The following COL4A2 variants were observed in gnomAD, a reference collection of about 807,000 sequenced individuals.
COL4A2 encodes the protein collagen alpha-2(IV) chain.
Under a neutral mutation model 200.2 loss-of-function variants are expected in COL4A2, and 99 were observed. That is an observed-to-expected ratio of 0.49 (90% CI 0.42 to 0.58). The LOEUF (loss-of-function observed/expected upper bound fraction) is 0.58. Ranked by LOEUF, COL4A2 falls within the 20% of genes least tolerant of loss-of-function variation. The pLI is 0.00. For synonymous variants in COL4A2, 897 were observed against 900.6 expected, an observed-to-expected ratio of 1.00 and a Z score of 0.07; for missense variants, 1,950 against 2,314.1, an observed-to-expected ratio of 0.84 and a Z score of 3.23.
intron 11 of COL4A2, among the ~76,000 whole-genome samples, chr13:110,434,023 C>A (rs1190612718): frequency 6.6e-6 from 1 of 152,056 alleles, no homozygotes; most frequent in Non-Finnish European, 1.5e-5. Flanking sequence ...AAGACTGAGC[C>A]AGAAGAAAAG....
In COL4A2 at chr13:110,482,038, A is replaced by G. The variant is rs72657980; in HGVS notation, c.2759-478A>G. Among the ~76,000 whole-genome samples the G allele has an allele frequency of 9.6e-3, 1,092 of 113,646 alleles. 111 individuals are homozygous for G. Among genetic ancestry groups the G allele is most frequent in the South Asian group, 0.023 (104 of 4,540 alleles). 74.6% of individuals were successfully genotyped at this position (113,646 alleles called of 152,430 possible). A position where few individuals can be genotyped will look rare whatever the true frequency, so the allele number is the denominator to read the frequency against. On this transcript the variant is annotated intron_variant, in intron 31 of 47. Transcript: ENST00000360467. The stretch of plus-strand genomic sequence containing the variant: ...TGGAGACACATGGGTTGGTCTTTCC[A>G]TTACTAGAGACATATGAGTCTGTCT...
chr13:110,505,883 G>A (rs181649837), intron 45 of COL4A2, among the ~76,000 whole-genome samples: 3 of 152,282 alleles, frequency 2.0e-5, no homozygotes, highest in Admixed American at 6.5e-5. Context: ...ATCCTGAGGG[G>A]CACATGCCTA....
At chr13:110,345,753 G>A (rs1876671865) in intron 3 of COL4A2, among the ~76,000 whole-genome samples, 1 of 152,162 alleles carries the variant, frequency 6.6e-6, no homozygotes, top group Non-Finnish European at 1.5e-5. Context: ...AAGGGAAGGT[G>A]GTTTCTGGCA....
chr13:110,347,703 C>T (rs1459221612), intron 3 of COL4A2, among the ~76,000 whole-genome samples: 2 of 152,248 alleles, frequency 1.3e-5, no homozygotes, highest in Non-Finnish European at 2.9e-5. Context: ...CAGTCCTGCC[C>T]GTCAGGACCC....
chr13:110,318,562 A>G (rs1885203293), intron 3 of COL4A2, among the ~76,000 whole-genome samples: 1 of 152,218 alleles, frequency 6.6e-6, no homozygotes, highest in Non-Finnish European at 1.5e-5. Flanking sequence ...CCCCACAGAA[A>G]TAGGGCCAGC....
chr13:110,464,996 G>T (rs950173370), intron 24 of COL4A2, among the ~76,000 whole-genome samples: 1 of 152,114 alleles, frequency 6.6e-6, no homozygotes, highest in African/African-American at 2.4e-5. Flanking sequence ...CTTTAACAAC[G>T]TAGCATCTCT....
In COL4A2 at chr13:110,506,415, G is replaced by A; in HGVS notation, c.4403G>A (p.Gly1468Asp). 6.2e-7 allele frequency: 1 copy of A among 1,608,504 alleles called. No individual in the cohort carries two copies. Among genetic ancestry groups the A allele is most frequent in the Non-Finnish European group, 8.5e-7 (1 of 1,178,236 alleles). Residue 1468 changes from glycine to aspartate, a missense_variant and splice_region_variant, in exon 46 of 48, where the codon GGT (glycine) becomes GAT (aspartate). Around this residue, in one of 2 missense-constraint regions of COL4A2, gnomAD observed 1,385 missense variants for 1,720.5 expected, o/e 0.80. Coordinates refer to ENST00000360467, the MANE Select transcript of COL4A2 (RefSeq NM_001846.4). ...ACTCTCTCTCTTTCTCGGGCTGCAG[G>A]TGCACCAGGCCGTCCAGGGAGCCCG... ...IGHQGPIGQEGAPGRPGSPGL... is the reference protein window; with the variant it reads ...IGHQGPIGQEDAPGRPGSPGL...
chr13:110,486,063 G>C (rs1288692410), intron 34 of COL4A2, among the ~76,000 whole-genome samples: 1 of 150,850 alleles, frequency 6.6e-6, no homozygotes, highest in Admixed American at 6.6e-5. Flanking sequence ...CTGTGGGCTT[G>C]TGCTGGGTGA....
At chr13:110,491,018 G>C (rs144669152) in intron 36 of COL4A2, among the ~76,000 whole-genome samples, 2 of 152,150 alleles carry the variant, frequency 1.3e-5, no homozygotes, top group Non-Finnish European at 2.9e-5. Context: ...AGTGAGGGGT[G>C]CATGGGTACA....
intron 3 of COL4A2, among the ~76,000 whole-genome samples, chr13:110,336,567 G>A (rs563969907): frequency 7.9e-5 from 12 of 152,272 alleles, no homozygotes; most frequent in African/African-American, 2.6e-4. Context: ...GGACTATGTT[G>A]TGGAGGAAAG....
chr13:110,380,081 C>G (rs995811303), intron 4 of COL4A2, among the ~76,000 whole-genome samples: 1 of 152,210 alleles, frequency 6.6e-6, no homozygotes, highest in African/African-American at 2.4e-5. Flanking sequence ...CGTCCCCACA[C>G]CTTCCATGTT....
intron 4 of COL4A2, among the ~76,000 whole-genome samples, chr13:110,417,785 C>T (rs1181409964): frequency 6.6e-6 from 1 of 152,100 alleles, no homozygotes; most frequent in East Asian, 1.9e-4. Context: ...CTGCTGCACA[C>T]ATCGGGCATT....
intron 13 of COL4A2, among the ~76,000 whole-genome samples, chr13:110,437,629 G>C (rs1880943673): frequency 6.6e-6 from 1 of 152,190 alleles, no homozygotes; most frequent in South Asian, 2.1e-4. Context: ...GGGCCTCCTA[G>C]TAATGTTTTC....
intron 27 of COL4A2, among the ~76,000 whole-genome samples, 169 bp downstream of exon 27, chr13:110,467,265 A>G (rs970319432): frequency 6.6e-6 from 1 of 152,164 alleles, no homozygotes; most frequent in African/African-American, 2.4e-5. Context: ...GCCCACTGTC[A>G]TTTGCCACTA....
rs898277461 is a variant in COL4A2 at position 110,436,340 on chromosome 13, A to T, written c.798A>T (p.Gly266=). The T allele has an allele frequency of 1.5e-5, 25 of 1,613,920 alleles. No homozygotes were observed. The highest frequency in any genetic ancestry group is 2.7e-5 in the African/African-American group (2 of 74,852). ...TCCACCCCATCATCGCGCCCACAGGAGTCACCTTCCACCCAGATCAGTACA... is the reference window on the plus strand; with the variant it reads ...TCCACCCCATCATCGCGCCCACAGGTGTCACCTTCCACCCAGATCAGTACA... ...DTLHPIIAPT[G]VTFHPDQYKG... is the part of the protein sequence containing the mutation. The change falls in exon 13 of 48, where the codon GGA becomes GGT. Residue 266 remains glycine (G), a synonymous_variant. Coordinates refer to ENST00000360467, the MANE Select transcript of COL4A2 (RefSeq NM_001846.4).
Position 110,478,127 on chromosome 13 carries a change from G to A in COL4A2, c.2550G>A (p.Glu850=). The A allele has an allele frequency of 6.3e-7, 1 of 1,596,830 alleles. No homozygotes were observed. Among genetic ancestry groups the A allele is most frequent in the African/African-American group, 1.3e-5 (1 of 74,500 alleles). The part of the protein sequence containing the change: ...LHGFPGAPGQ[E]GPLGLPGIPG... ...GATTCCCAGGAGCTCCTGGCCAAGA[G>A]GGGCCCTTGGGGCTGCCAGGAATCC... The change falls in exon 30 of 48, where the codon GAG becomes GAA. Residue 850 remains glutamate, a synonymous_variant. Coordinates refer to ENST00000360467, the MANE Select transcript of COL4A2 (RefSeq NM_001846.4).
chr13:110,479,933 A>C (rs1882838558), intron 30 of COL4A2, among the ~76,000 whole-genome samples: 1 of 152,182 alleles, frequency 6.6e-6, no homozygotes. Context: ...CACTCACATC[A>C]GCATCCACAC....
At chr13:110,501,526 T>G (rs1883639832) in intron 40 of COL4A2, 142 bp from the exon 41 acceptor site, 1 of 748,322 alleles carries the variant, frequency 1.3e-6, no homozygotes, top group Non-Finnish European at 2.2e-6. Flanking sequence ...CCATGAGATG[T>G]TCCTTGGCCT....
chr13:110,463,539 C>T (rs1232152207), intron 24 of COL4A2, among the ~76,000 whole-genome samples: 1 of 152,156 alleles, frequency 6.6e-6, no homozygotes, highest in East Asian at 1.9e-4. Context: ...TAACCCATGT[C>T]TTCTCTAGTT....
Sources: gnomAD v4.1 joint callset for allele counts (sites outside exome capture counted in the v4.1 genomes callset) on GRCh38, gnomAD v4.1.1 for gene constraint, gnomAD v4.1.1 regional missense constraint, MANE v1.5 for transcripts, NCBI Gene and HGNC (gene_info 2026-07-23, HGNC 2026-07-21) for gene names.